FHIT: variants seen among roughly 807,000 people sequenced by gnomAD.
FHIT encodes fragile histidine triad diadenosine triphosphatase.
In FHIT, 19 loss-of-function variants were observed where a neutral mutation model predicts 17.9. The observed-to-expected ratio is 1.06, with a 90% CI of 0.74 to 1.56. The LOEUF is 1.56. FHIT is among the 40% of genes most tolerant of loss of function. The probability of loss-of-function intolerance (pLI) is 0.00; values close to 1 mark genes in which losing one functional copy is unlikely to be tolerated. For synonymous variants in FHIT, 81 were observed against 69.7 expected (o/e 1.16, Z -0.81); for missense variants, 248 against 189.2 (o/e 1.31, Z -1.82).
At chr3:59,894,115 A>G (rs1703967285) in intron 8 of FHIT, among the ~76,000 whole-genome samples, 1 of 152,132 alleles carries the variant, frequency 6.6e-6, no homozygotes, top group Admixed American at 6.5e-5. Context: ...GTGGTGGTGC[A>G]CGCCTGTAGT....
At chr3:60,078,222 A>G (rs1359155801) in intron 5 of FHIT, among the ~76,000 whole-genome samples, 1 of 152,134 alleles carries the variant, frequency 6.6e-6, no homozygotes, top group East Asian at 1.9e-4. Flanking sequence ...ACAAAAGGAA[A>G]AATAGCAATT....
intron 4 of FHIT, among the ~76,000 whole-genome samples, chr3:60,615,913 GAA>G (rs782550095): frequency 1.3e-5 from 2 of 152,168 alleles, no homozygotes; most frequent in Non-Finnish European, 2.9e-5. Context: ...AGATGTGGAA[GAA>G]AAAGAGATAA....
chr3:60,043,483 G>C (rs368213805), intron 5 of FHIT, among the ~76,000 whole-genome samples: 2 of 152,170 alleles, frequency 1.3e-5, no homozygotes, highest in South Asian at 4.1e-4. Context: ...CAGATGGAGA[G>C]ATTACATGTC....
chr3:61,004,617 C>T (rs1417722272), intron 3 of FHIT, among the ~76,000 whole-genome samples: 1 of 152,152 alleles, frequency 6.6e-6, no homozygotes, highest in Non-Finnish European at 1.5e-5. Flanking sequence ...GATAGAGGAA[C>T]ATAGCCAGCT....
At chr3:60,984,737 T>C (rs780795779) in intron 3 of FHIT, among the ~76,000 whole-genome samples, 1 of 152,054 alleles carries the variant, frequency 6.6e-6, no homozygotes, top group African/African-American at 2.4e-5. Context: ...GAATTGAATA[T>C]AGTAGAACAT....
At chr3:60,112,889 T>A (rs956327770) in intron 5 of FHIT, among the ~76,000 whole-genome samples, 4 of 152,200 alleles carry the variant, frequency 2.6e-5, no homozygotes, top group African/African-American at 9.7e-5. Context: ...CTTCCTTTAC[T>A]CCTTATGGAA....
chr3:60,529,299 T>C (rs963362327), intron 5 of FHIT, among the ~76,000 whole-genome samples: 2 of 152,100 alleles, frequency 1.3e-5, no homozygotes, highest in Non-Finnish European at 2.9e-5. Flanking sequence ...GTATATATAA[T>C]AAAAATAAGG....
intron 5 of FHIT, among the ~76,000 whole-genome samples, chr3:60,244,967 T>C (rs968008779): frequency 6.6e-6 from 1 of 152,054 alleles, no homozygotes; most frequent in Non-Finnish European, 1.5e-5. Context: ...ATTCAGGTAG[T>C]GTGCATTGAC....
intron 5 of FHIT, among the ~76,000 whole-genome samples, chr3:60,036,435 C>T (rs212063): frequency 0.17 from 25,141 of 152,124 alleles, 2,940 homozygotes; most frequent in African/African-American, 0.33. Context: ...TAGATAAATA[C>T]TGCTTGAATG....
intron 8 of FHIT, among the ~76,000 whole-genome samples, chr3:59,903,050 C>T (rs1237852156): frequency 1.3e-5 from 2 of 152,162 alleles, no homozygotes; most frequent in Admixed American, 6.5e-5. Flanking sequence ...AATCATCACA[C>T]AGTATATCTT....
At chr3:60,336,348 T>C (rs1273338696) in intron 5 of FHIT, among the ~76,000 whole-genome samples, 1 of 152,226 alleles carries the variant, frequency 6.6e-6, no homozygotes, top group African/African-American at 2.4e-5. Context: ...CCATTTTGGC[T>C]CTTCTTTAGT....
chr3:60,507,520 A>G (rs761629079), intron 5 of FHIT, among the ~76,000 whole-genome samples: 1 of 152,228 alleles, frequency 6.6e-6, no homozygotes, highest in African/African-American at 2.4e-5. Context: ...AGCAGCAACA[A>G]CAAAACTTGT....
chr3:60,098,146 T>C (rs1391042656), intron 5 of FHIT, among the ~76,000 whole-genome samples: 9 of 141,482 alleles, frequency 6.4e-5, no homozygotes, highest in African/African-American at 2.3e-4. Flanking sequence ...TCCAAGTCTT[T>C]GCTATTGTGA....
intron 3 of FHIT, among the ~76,000 whole-genome samples, chr3:61,039,328 G>T (rs1014167676): frequency 2.0e-5 from 3 of 152,062 alleles, no homozygotes; most frequent in Admixed American, 6.6e-5. Flanking sequence ...TTACAGAAAG[G>T]TTACTTTAGA....
intron 5 of FHIT, among the ~76,000 whole-genome samples, chr3:60,257,646 G>A (rs574059325): frequency 6.6e-6 from 1 of 152,284 alleles, no homozygotes; most frequent in African/African-American, 2.4e-5. Context: ...GAAGGTGGAG[G>A]TAAAGTAGAC....
chr3:60,292,751 G>A (rs898338936), intron 5 of FHIT, among the ~76,000 whole-genome samples: 1 of 150,026 alleles, frequency 6.7e-6, no homozygotes, highest in Admixed American at 6.6e-5. Context: ...AAAACATCAA[G>A]AAAAGCTTTC....
intron 5 of FHIT, among the ~76,000 whole-genome samples, chr3:60,105,059 G>A (rs1259204959): frequency 1.3e-5 from 2 of 152,258 alleles, no homozygotes; most frequent in East Asian, 1.9e-4. Flanking sequence ...GCTCTGTACC[G>A]TTCACACTTG....
intron 4 of FHIT, among the ~76,000 whole-genome samples, chr3:60,574,663 G>C (rs181932789): frequency 2.6e-5 from 4 of 152,106 alleles, no homozygotes; most frequent in Middle Eastern, 3.4e-3. Context: ...ATGGTCCAAC[G>C]TAACACTTTG....
At chr3:60,459,492 T>A (rs2032323144) in intron 5 of FHIT, among the ~76,000 whole-genome samples, 1 of 152,192 alleles carries the variant, frequency 6.6e-6, no homozygotes, top group Admixed American at 6.5e-5. Flanking sequence ...GCCCTCACTT[T>A]CAAAATGGGG....
Sources: gnomAD v4.1 joint callset for allele counts (sites outside exome capture counted in the v4.1 genomes callset) on GRCh38, gnomAD v4.1.1 for gene constraint, MANE v1.5 for transcripts, NCBI Gene and HGNC (gene_info 2026-07-23, HGNC 2026-07-21) for gene names.